SFI1: variants seen among roughly 807,000 people sequenced by gnomAD.
SFI1 encodes SFI1 centrin binding protein.
In SFI1, 195 loss-of-function variants were observed where a neutral mutation model predicts 207.5. That is an observed-to-expected ratio of 0.94 (90% CI 0.84 to 1.06). SFI1 has a LOEUF of 1.06. SFI1 is among the 50% of genes least tolerant of loss of function. The pLI, the probability that SFI1 is intolerant of heterozygous loss-of-function variation, is 0.00. For synonymous variants in SFI1, 630 were observed against 598.9 expected (o/e 1.05, Z -0.76); for missense variants, 1,634 against 1,588.0 (o/e 1.03, Z -0.49).
At chr22:31,557,941 G>T (rs1022264565) in intron 7 of SFI1, among the ~76,000 whole-genome samples, 7 of 152,136 alleles carry the variant, frequency 4.6e-5, no homozygotes, top group Admixed American at 4.6e-4. Flanking sequence ...GTCTGTAGTT[G>T]TCCACTGGTG....
At chr22:31,517,196 T>C (rs1370946927) in intron 2 of SFI1, among the ~76,000 whole-genome samples, 5 of 152,120 alleles carry the variant, frequency 3.3e-5, no homozygotes, top group Non-Finnish European at 5.9e-5. Context: ...ATAATTAATA[T>C]GTGTTCTCTC....
chr22:31,616,795 C>T lies in SFI1; in HGVS notation c.3351C>T (p.Ser1117=). The change falls in exon 30 of 33, where the codon TCC becomes TCT. Residue 1117 remains serine, a synonymous_variant. Coordinates refer to ENST00000400288, the MANE Select transcript of SFI1 (RefSeq NM_001007467.3). The stretch of plus-strand genomic sequence containing the variant: ...GGGATAAGCCCCCGGTCCCCTCATC[C>T]CTGGCCAGTGTCCCTGACCCCCATC... ...TPRDKPPVPS[S]LASVPDPHLL... The T allele has an allele frequency of 6.2e-7, 1 of 1,610,740 alleles. No individual in the cohort carries two copies. Among genetic ancestry groups the T allele is most frequent in the Non-Finnish European group, 8.5e-7 (1 of 1,178,282 alleles).
chr22:31,602,147 C>G (rs73400252), intron 15 of SFI1, 65 bp from the exon 16 acceptor site: 2 of 1,354,486 alleles, frequency 1.5e-6, no homozygotes, highest in Non-Finnish European at 2.1e-6. Context: ...TTTGGAACTT[C>G]TAGTTCTGTT....
chr22:31,539,331 T>C (rs2059271396), intron 4 of SFI1, among the ~76,000 whole-genome samples: 1 of 152,216 alleles, frequency 6.6e-6, no homozygotes, highest in Non-Finnish European at 1.5e-5. Context: ...AGTGGCTTCC[T>C]GCTGAAAGTA....
intron 8 of SFI1, among the ~76,000 whole-genome samples, chr22:31,568,343 A>G (rs992842657): frequency 3.3e-5 from 5 of 150,652 alleles, no homozygotes; most frequent in Admixed American, 6.7e-5. Flanking sequence ...CCTGGCCAAC[A>G]TGGTGAAATC....
At chr22:31,530,336 A>G (rs1013388353) in intron 3 of SFI1, among the ~76,000 whole-genome samples, 1 of 150,694 alleles carries the variant, frequency 6.6e-6, no homozygotes, top group Non-Finnish European at 1.5e-5. Context: ...TAAAAATGCA[A>G]AAAATTAGCC....
intron 3 of SFI1, among the ~76,000 whole-genome samples, chr22:31,530,002 C>G (rs960614080): frequency 1.3e-5 from 2 of 148,838 alleles, no homozygotes; most frequent in African/African-American, 5.0e-5. Context: ...AACCCCGTCT[C>G]TACTAAAAAT....
intron 31 of SFI1, 152 bp from the exon 32 acceptor site, chr22:31,617,963 G>C (rs1042692946): frequency 1.3e-6 from 1 of 793,024 alleles, no homozygotes; most frequent in African/African-American, 1.8e-5. Context: ...TGGCTCCCAA[G>C]CAGGGGCCTG....
chr22:31,618,150 G>A lies in SFI1; in HGVS notation c.3548G>A (p.Trp1183Ter). ...CRRQASSLRR[W>*]LELNREEPGP... Reference sequence around the variant, plus strand: ...CGGCAAGCGAGCAGCCTGCGCAGGTGGCTGGAGCTGAACAGAGAGGAGCCG... The same window carrying A: ...CGGCAAGCGAGCAGCCTGCGCAGGTAGCTGGAGCTGAACAGAGAGGAGCCG... Residue 1183 changes from tryptophan to a stop codon, truncating the protein, a stop_gained, in exon 32 of 33, where the codon TGG becomes TAG. Transcript: ENST00000400288. LOFTEE classifies it high-confidence loss of function. 1 of 1,588,568 alleles carries A rather than the reference G, an allele frequency of 6.3e-7. No homozygotes were observed. The highest frequency in any genetic ancestry group is 2.3e-5 in the East Asian group (1 of 44,042).
chr22:31,598,929 G>T (rs2067649471), intron 15 of SFI1, among the ~76,000 whole-genome samples: 2 of 149,252 alleles, frequency 1.3e-5, no homozygotes, highest in Non-Finnish European at 3.0e-5. Context: ...GAGTAGCTGG[G>T]ATTACAAGCG....
intron 8 of SFI1, among the ~76,000 whole-genome samples, chr22:31,567,481 C>T (rs2062439877): frequency 6.6e-6 from 1 of 151,408 alleles, no homozygotes; most frequent in Non-Finnish European, 1.5e-5. Context: ...ATACCTACCT[C>T]TTAACAGGAT....
intron 5 of SFI1, among the ~76,000 whole-genome samples, chr22:31,549,081 A>G (rs2060374329): frequency 6.6e-6 from 1 of 151,840 alleles, no homozygotes; most frequent in South Asian, 2.1e-4. Context: ...TGAGCCCAGG[A>G]GTTCGAGACC....
chr22:31,539,440 G>A (rs549893084), intron 4 of SFI1, among the ~76,000 whole-genome samples: 24 of 152,136 alleles, frequency 1.6e-4, no homozygotes, highest in African/African-American at 5.8e-4. Context: ...TTTAATTTCC[G>A]AGAGCTTGTT....
Position 31,606,391 on chromosome 22 carries a change from T to C in SFI1, c.2118T>C (p.Phe706=). 1 of 1,613,890 alleles carries C rather than the reference T, an allele frequency of 6.2e-7. No homozygotes were observed. The highest frequency in any genetic ancestry group is 8.5e-7 in the Non-Finnish European group (1 of 1,180,016). ...GAGTGGATGAAGCCAAAAAAACCTT[T>C]CAAGCAAGTACTCATTACAGAAGGA... ...MARVDEAKKT[F]QASTHYRRTI... Residue 706 remains phenylalanine, a synonymous_variant, in exon 21 of 33, where the codon TTT becomes TTC. Coordinates refer to ENST00000400288, the MANE Select transcript of SFI1 (RefSeq NM_001007467.3).
In SFI1 at chr22:31,603,192, C is replaced by T. The variant is rs555365481; in HGVS notation, c.1805+407C>T. ...AGGTTGCAGTGAACCGAGATGGCACCGCTACACTCCAGCCTGTGCAACAGA... is the reference window on the plus strand; with the variant it reads ...AGGTTGCAGTGAACCGAGATGGCACTGCTACACTCCAGCCTGTGCAACAGA... On this transcript the variant is annotated intron_variant, in intron 17 of 32. Coordinates refer to ENST00000400288, the MANE Select transcript of SFI1 (RefSeq NM_001007467.3). Among the ~76,000 whole-genome samples, 34 of 152,286 alleles carry T rather than the reference C, an allele frequency of 2.2e-4. No homozygotes were observed. The East Asian group carries it at 2.5e-3, about 11-fold the overall frequency.
intron 5 of SFI1, 103 bp downstream of exon 5, chr22:31,547,074 T>C: frequency 1.2e-6 from 1 of 836,458 alleles, no homozygotes; most frequent in Non-Finnish European, 1.9e-6. Flanking sequence ...TGGGTCACTT[T>C]TGGTTTTTCT....
intron 15 of SFI1, among the ~76,000 whole-genome samples, 178 bp downstream of exon 15, chr22:31,589,755 C>T (rs2065567670): frequency 6.6e-6 from 1 of 151,900 alleles, no homozygotes; most frequent in Non-Finnish European, 1.5e-5. Context: ...GACAGTGTTT[C>T]CCCTGGGAAA....
chr22:31,599,923 A>C (rs763443879), intron 15 of SFI1, among the ~76,000 whole-genome samples: 2 of 149,476 alleles, frequency 1.3e-5, no homozygotes, highest in African/African-American at 4.9e-5. Flanking sequence ...GGGATTCACT[A>C]TGTTGTCCAG....
At chr22:31,571,872 C>T (rs548637762) in intron 8 of SFI1, among the ~76,000 whole-genome samples, 1 of 152,126 alleles carries the variant, frequency 6.6e-6, no homozygotes, top group Admixed American at 6.5e-5. Context: ...TAAAGGTCAC[C>T]CATTGCTTTT....
Sources: gnomAD v4.1 joint callset for allele counts (sites outside exome capture counted in the v4.1 genomes callset) on GRCh38, gnomAD v4.1.1 for gene constraint, MANE v1.5 for transcripts, NCBI Gene and HGNC (gene_info 2026-07-23, HGNC 2026-07-21) for gene names.